The following SLC16A7 variants were observed in gnomAD, a reference collection of about 807,000 sequenced individuals.
SLC16A7 encodes solute carrier family 16 member 7.
SLC16A7 carries 33 observed loss-of-function variants against 34.9 expected under a neutral mutation model. The observed-to-expected ratio is 0.94, with a 90% confidence interval of 0.72 to 1.26. SLC16A7 has a LOEUF of 1.26. Among genes scored for constraint, SLC16A7 ranks in the 50% most tolerant of loss-of-function variants. SLC16A7 has a pLI of 0.00. For synonymous variants in SLC16A7, 201 were observed against 206.6 expected (o/e 0.97, Z 0.23); for missense variants, 573 against 578.1 (o/e 0.99, Z 0.09).
intron 3 of SLC16A7, among the ~76,000 whole-genome samples, chr12:59,731,001 A>G (rs943148729): frequency 1.3e-5 from 2 of 152,122 alleles, no homozygotes; most frequent in African/African-American, 4.8e-5. Flanking sequence ...TAAAGCATAC[A>G]TGTTTGTTTA....
chr12:59,681,520 G>T (rs550643176), intron 2 of SLC16A7, among the ~76,000 whole-genome samples: 1 of 151,736 alleles, frequency 6.6e-6, no homozygotes. Flanking sequence ...TCAAAAAATT[G>T]TGGAACAATT....
intron 1 of SLC16A7, chr12:59,597,201 A>G (rs944855085): frequency 1.3e-5 from 2 of 149,378 alleles, no homozygotes; most frequent in African/African-American, 5.0e-5. Context: ...TGTAGTTCCA[A>G]TTCCAGGGAA....
chr12:59,741,178 C>T (rs1042545007), intron 3 of SLC16A7, among the ~76,000 whole-genome samples: 7 of 152,176 alleles, frequency 4.6e-5, no homozygotes, highest in East Asian at 1.9e-4. Flanking sequence ...ATCAAGCTAC[C>T]GATGACTTTC....
chr12:59,663,364 A>G (rs1384680813), intron 2 of SLC16A7, among the ~76,000 whole-genome samples: 3 of 132,864 alleles, frequency 2.3e-5, no homozygotes, highest in Admixed American at 2.2e-4. Context: ...TATTATCAAT[A>G]TAAAAAAAGT....
intron 2 of SLC16A7, among the ~76,000 whole-genome samples, chr12:59,655,546 T>C (rs984105669): frequency 6.6e-6 from 1 of 151,840 alleles, no homozygotes; most frequent in African/African-American, 2.4e-5. Context: ...AATGATAAAG[T>C]TTCAATAATA....
At chr12:59,725,488 A>G (rs1876122708) in intron 3 of SLC16A7, among the ~76,000 whole-genome samples, 1 of 152,078 alleles carries the variant, frequency 6.6e-6, no homozygotes, top group Non-Finnish European at 1.5e-5. Flanking sequence ...TTCCCTATTA[A>G]AAATGGTTCA....
At chr12:59,778,847 G>A (rs1171447315) in intron 5 of SLC16A7, among the ~76,000 whole-genome samples, 2 of 152,106 alleles carry the variant, frequency 1.3e-5, no homozygotes, top group Non-Finnish European at 2.9e-5. Flanking sequence ...CCACTAACTA[G>A]CTACATAACC....
intron 3 of SLC16A7, among the ~76,000 whole-genome samples, chr12:59,729,797 A>C (rs906362504): frequency 3.9e-5 from 6 of 152,232 alleles, no homozygotes; most frequent in Non-Finnish European, 7.3e-5. Flanking sequence ...TGACGAGTTC[A>C]GGAAAAGCTA....
intron 3 of SLC16A7, among the ~76,000 whole-genome samples, chr12:59,757,078 G>A (rs1410899475): frequency 7.2e-6 from 1 of 139,120 alleles, no homozygotes; most frequent in Non-Finnish European, 1.5e-5. Context: ...GACACAGGAA[G>A]GGGAACATCA....
intron 3 of SLC16A7, among the ~76,000 whole-genome samples, chr12:59,726,043 G>A (rs1019112488): frequency 6.6e-6 from 1 of 152,094 alleles, no homozygotes. Flanking sequence ...ATATGAAGAA[G>A]CAATCAAAAT....
At chr12:59,717,731 C>A (rs2137190045) in intron 3 of SLC16A7, among the ~76,000 whole-genome samples, 1 of 152,200 alleles carries the variant, frequency 6.6e-6, no homozygotes, top group East Asian at 1.9e-4. Flanking sequence ...ATAAACACTC[C>A]AAAATACAAA....
intron 2 of SLC16A7, among the ~76,000 whole-genome samples, chr12:59,694,727 T>A (rs1447125364): frequency 6.6e-6 from 1 of 152,052 alleles, no homozygotes; most frequent in African/African-American, 2.4e-5. Flanking sequence ...TCTGCTTCTA[T>A]GTTTCCTCAT....
chr12:59,727,007 A>C (rs1161488296), intron 3 of SLC16A7, among the ~76,000 whole-genome samples: 1 of 151,992 alleles, frequency 6.6e-6, no homozygotes, highest in Admixed American at 6.6e-5. Context: ...ACTTATCTAA[A>C]GAAGGATGAC....
At chr12:59,675,879 T>C (rs953240306) in intron 2 of SLC16A7, among the ~76,000 whole-genome samples, 2 of 152,228 alleles carry the variant, frequency 1.3e-5, no homozygotes, top group Non-Finnish European at 2.9e-5. Flanking sequence ...AGGACTATTA[T>C]GTGTTTACTA....
intron 1 of SLC16A7, among the ~76,000 whole-genome samples, chr12:59,624,096 A>T (rs1270592831): frequency 6.6e-6 from 1 of 151,530 alleles, no homozygotes; most frequent in Non-Finnish European, 1.5e-5. Context: ...CCTGTCATAG[A>T]TATCTCTGTC....
chr12:59,664,356 T>C (rs962059486), intron 2 of SLC16A7, among the ~76,000 whole-genome samples: 2 of 152,070 alleles, frequency 1.3e-5, no homozygotes, highest in Non-Finnish European at 2.9e-5. Flanking sequence ...GGTTGGGGAC[T>C]CTTTGGGACA....
chr12:59,681,410 A>G (rs2137073641), intron 2 of SLC16A7, among the ~76,000 whole-genome samples: 1 of 152,330 alleles, frequency 6.6e-6, no homozygotes, highest in East Asian at 1.9e-4. Flanking sequence ...TAGCTCTGTA[A>G]GCATACAGTT....
chr12:59,711,641 C>A (rs928868781), intron 3 of SLC16A7, among the ~76,000 whole-genome samples: 1 of 152,152 alleles, frequency 6.6e-6, no homozygotes, highest in Non-Finnish European at 1.5e-5. Flanking sequence ...CCTCAGCCTC[C>A]TGAATATTCT....
At chr12:59,681,246 C>A (rs1342511810) in intron 2 of SLC16A7, among the ~76,000 whole-genome samples, 1 of 152,172 alleles carries the variant, frequency 6.6e-6, no homozygotes, top group African/African-American at 2.4e-5. Context: ...TTCCTGCAGG[C>A]GAGACAAGTG....
Sources: gnomAD v4.1 joint callset for allele counts (sites outside exome capture counted in the v4.1 genomes callset) on GRCh38, gnomAD v4.1.1 for gene constraint, MANE v1.5 for transcripts, NCBI Gene and HGNC (gene_info 2026-07-23, HGNC 2026-07-21) for gene names.